Variants in MLXIP observed in about 807,000 individuals in gnomAD.
MLXIP encodes the protein MLX-interacting protein.
In MLXIP, 30 loss-of-function variants were observed where a neutral mutation model predicts 87.2. The ratio of observed to expected loss-of-function variants is 0.34; its 90% confidence interval spans 0.26 to 0.47. MLXIP has a LOEUF of 0.47. MLXIP is among the 20% of genes least tolerant of loss of function. MLXIP has a pLI of 1.00. For missense variants in MLXIP, 1,002 were observed against 1,240.1 expected, an observed-to-expected ratio of 0.81 and a Z score of 2.88; for synonymous variants, 530 against 514.0, an observed-to-expected ratio of 1.03 and a Z score of -0.42.
intron 1 of MLXIP, among the ~76,000 whole-genome samples, chr12:122,108,726 AACCAGCAGTACATCAGGG>A (rs1952559452): frequency 6.6e-6 from 1 of 152,094 alleles, no homozygotes; most frequent in Non-Finnish European, 1.5e-5. Context: ...GTGTGGAGGG[AACCAGCAGTACATCAGGG>A]ACTTCGGTTT....
intron 1 of MLXIP, among the ~76,000 whole-genome samples, chr12:122,091,334 A>G (rs1242478227): frequency 6.6e-6 from 1 of 152,162 alleles, no homozygotes; most frequent in African/African-American, 2.4e-5. Context: ...TAGACTGAAG[A>G]TGACGTGGGA....
intron 1 of MLXIP, among the ~76,000 whole-genome samples, chr12:122,092,204 C>A (rs1205021539): frequency 6.6e-6 from 1 of 151,962 alleles, no homozygotes; most frequent in African/African-American, 2.4e-5. Flanking sequence ...CTCAAACTGT[C>A]CTCCTGCCTC....
intron 5 of MLXIP, 83 bp from the exon 6 acceptor site, chr12:122,129,858 A>T (rs1952944570): frequency 6.5e-7 from 1 of 1,530,228 alleles, no homozygotes; most frequent in Admixed American, 1.9e-5. Flanking sequence ...CCTTTGACGA[A>T]TTTCCCCAGG....
intron 1 of MLXIP, among the ~76,000 whole-genome samples, chr12:122,095,631 G>A (rs1952339989): frequency 6.6e-6 from 1 of 151,290 alleles, no homozygotes. Flanking sequence ...ATTTCTCTAT[G>A]TTCATAGTAT....
Position 122,141,976 on chromosome 12 carries a change from G to GCCCCAAACCTGC in MLXIP, c.*164_*165insCCCCAAACCTGC. ...GAGGCCATGCTCAGGTCTGAAGCAG[G>GCCCCAAACCTGC]TTTGGGGCCTGCTGACAGCAATAGC... On this transcript the variant is annotated 3_prime_UTR_variant, in exon 17 of 17. Transcript: ENST00000319080. 9.2e-7 allele frequency: 1 copy of GCCCCAAACCTGC among 1,086,076 alleles called. No individual in the cohort carries two copies. The highest frequency in any genetic ancestry group is 1.3e-6 in the Non-Finnish European group (1 of 766,636). 67.3% of individuals were successfully genotyped at this position (1,086,076 alleles called of 1,614,324 possible).
rs372337047 is a variant in MLXIP at position 122,146,945 on chromosome 12, T to C, written c.*5133T>C. 1.3e-3 allele frequency: 194 copies of C among 152,378 alleles called. No individual in the cohort carries two copies. Among genetic ancestry groups the C allele is most frequent in the African/African-American group, 4.5e-3 (187 of 41,596 alleles). 9.4% of individuals were successfully genotyped at this position (152,378 alleles called of 1,614,324 possible). On this transcript the variant is annotated 3_prime_UTR_variant, in exon 17 of 17. Coordinates refer to ENST00000319080, the MANE Select transcript of MLXIP (RefSeq NM_014938.6). ...CAGCTCCAGGCCATCCCCTACGGGC[T>C]GCCCACAGTGCCCCCTTTTCTCTAG... is the stretch of plus-strand genomic sequence containing the variant.
chr12:122,139,606 G>C (rs1407561439), intron 15 of MLXIP, among the ~76,000 whole-genome samples: 1 of 152,218 alleles, frequency 6.6e-6, no homozygotes, highest in Non-Finnish European at 1.5e-5. Flanking sequence ...GAGAATCCCA[G>C]CTGCAGCTAT....
intron 1 of MLXIP, among the ~76,000 whole-genome samples, chr12:122,117,943 C>T (rs1313533277): frequency 6.6e-6 from 1 of 152,152 alleles, no homozygotes; most frequent in Non-Finnish European, 1.5e-5. Context: ...GCAACCTCAG[C>T]CTTGTTAAGT....
chr12:122,083,245 G>A lies in MLXIP; in HGVS notation c.413+3979G>A, dbSNP rs567345699. On this transcript the variant is annotated intron_variant, in intron 1 of 16. Coordinates refer to ENST00000319080, the MANE Select transcript of MLXIP (RefSeq NM_014938.6). ...TGGTATGAATATTTCCGGTGGTGGG[G>A]GGAAGAGATAGTCTTTTTCTGTATT... Among the ~76,000 whole-genome samples, 6 of 152,196 alleles carry A rather than the reference G, an allele frequency of 3.9e-5. No individual in the cohort carries two copies. The South Asian group carries it at 1.2e-3, about 32-fold the overall frequency.
chr12:122,112,795 A>C (rs1952624916), intron 1 of MLXIP, among the ~76,000 whole-genome samples: 1 of 152,242 alleles, frequency 6.6e-6, no homozygotes, highest in African/African-American at 2.4e-5. Context: ...AATCTTACCT[A>C]AAGCAGGATC....
intron 1 of MLXIP, among the ~76,000 whole-genome samples, chr12:122,101,564 T>G (rs1309774562): frequency 7.4e-6 from 1 of 135,062 alleles, no homozygotes; most frequent in Non-Finnish European, 1.6e-5. Flanking sequence ...ATTTATTTAT[T>G]TATTTTTTTC....
At chr12:122,106,905 A>G (rs1952529777) in intron 1 of MLXIP, among the ~76,000 whole-genome samples, 4 of 152,094 alleles carry the variant, frequency 2.6e-5, no homozygotes, top group Non-Finnish European at 5.9e-5. Flanking sequence ...CCCGGCCTTC[A>G]CTGCTCTTGA....
intron 1 of MLXIP, among the ~76,000 whole-genome samples, chr12:122,107,177 C>T (rs1952534089): frequency 6.6e-6 from 1 of 152,178 alleles, no homozygotes; most frequent in Non-Finnish European, 1.5e-5. Flanking sequence ...TGCAGGCAGT[C>T]ATCAGGCCCT....
intron 1 of MLXIP, among the ~76,000 whole-genome samples, chr12:122,122,843 G>A (rs973297074): frequency 3.4e-5 from 5 of 149,186 alleles, no homozygotes; most frequent in Non-Finnish European, 7.4e-5. Flanking sequence ...TACCGTGCCC[G>A]GCCTTCTTTT....
At chr12:122,099,136 C>CTGAA (rs1046833437) in intron 1 of MLXIP, among the ~76,000 whole-genome samples, 2 of 152,148 alleles carry the variant, frequency 1.3e-5, no homozygotes, top group African/African-American at 4.8e-5. Flanking sequence ...ACTTGGGAGG[C>CTGAA]TGAAGTAGGA....
intron 12 of MLXIP, 131 bp from the exon 13 acceptor site, chr12:122,138,063 C>G: frequency 1.4e-6 from 1 of 712,820 alleles, no homozygotes; most frequent in Non-Finnish European, 2.3e-6. Flanking sequence ...TTCAGCTTCT[C>G]GTCGTGCCCT....
chr12:122,111,355 G>A (rs1952604045), intron 1 of MLXIP, among the ~76,000 whole-genome samples: 1 of 152,196 alleles, frequency 6.6e-6, no homozygotes, highest in African/African-American at 2.4e-5. Flanking sequence ...TCTGGCTAGA[G>A]AATGCTGTTC....
chr12:122,117,564 C>A (rs1390740875), intron 1 of MLXIP, among the ~76,000 whole-genome samples: 2 of 152,256 alleles, frequency 1.3e-5, no homozygotes, highest in African/African-American at 4.8e-5. Flanking sequence ...ATATCTGGAT[C>A]TGGTGCACAG....
chr12:122,129,231 C>T lies in MLXIP; in HGVS notation c.696+5C>T, dbSNP rs752886907. 7 of 1,604,104 alleles carry T rather than the reference C, an allele frequency of 4.4e-6. No homozygotes were observed. The South Asian group carries it at 5.6e-5, about 13-fold the overall frequency. Reference sequence around the variant, plus strand: ...AGAACCTACTTCAAGAAAAGGGTATCTGGCTGGAGTGTTCAGGCAGCCCGC... The same window carrying T: ...AGAACCTACTTCAAGAAAAGGGTATTTGGCTGGAGTGTTCAGGCAGCCCGC... On this transcript the variant is annotated splice_donor_5th_base_variant and intron_variant, in intron 4 of 16. Coordinates refer to ENST00000319080, the MANE Select transcript of MLXIP (RefSeq NM_014938.6).
Sources: gnomAD v4.1 joint callset for allele counts (sites outside exome capture counted in the v4.1 genomes callset) on GRCh38, gnomAD v4.1.1 for gene constraint, MANE v1.5 for transcripts, NCBI Gene and HGNC (gene_info 2026-07-23, HGNC 2026-07-21) for gene names.